Variants in CDH3 observed in about 807,000 individuals in gnomAD.
The protein encoded by CDH3 is cadherin-3.
Under a neutral mutation model 82.0 loss-of-function variants are expected in CDH3, and 54 were observed. That is an observed-to-expected ratio of 0.66 (90% CI 0.53 to 0.83). The LOEUF is 0.83. CDH3 is among the 40% of genes least tolerant of loss of function. The pLI, the probability that CDH3 is intolerant of heterozygous loss-of-function variation, is 0.00. For synonymous variants in CDH3, 446 were observed against 437.9 expected (o/e 1.02, Z -0.23); for missense variants, 1,054 against 1,084.6 (o/e 0.97, Z 0.40).
At chr16:68,727,428 G>A (rs1453364645) in exon 3 of CDH3, among the ~76,000 whole-genome samples, 1 of 152,094 alleles carries the variant, frequency 6.6e-6, no homozygotes, top group Non-Finnish European at 1.5e-5. Flanking sequence ...GTTCTTGGGA[G>A]AACCCTGACT....
chr16:68,686,727 A>G, intron 11 of CDH3: 2 of 723,714 alleles, frequency 2.8e-6, no homozygotes, highest in Middle Eastern at 2.8e-4. Flanking sequence ...GAAGCTGCCC[A>G]TTCCACTGAA....
intron 2 of CDH3, among the ~76,000 whole-genome samples, chr16:68,674,134 T>C (rs1316560963): frequency 6.6e-6 from 1 of 152,222 alleles, no homozygotes; most frequent in Non-Finnish European, 1.5e-5. Flanking sequence ...GGCTGCATCA[T>C]TTCACATTCC....
rs932785296 is a variant in CDH3, at chr16:68,699,957, G to A, written c.*1557G>A. On this transcript the variant is annotated 3_prime_UTR_variant, in exon 16 of 16. Transcript: ENST00000264012. Reference sequence around the variant, plus strand: ...ACTTTTAAAGGCCAGACAGGACTTCGATTATTTCCTCTAAATCCTCACAAT... The same window carrying A: ...ACTTTTAAAGGCCAGACAGGACTTCAATTATTTCCTCTAAATCCTCACAAT... 3.9e-5 allele frequency: 6 copies of A among 152,278 alleles called. No homozygotes were observed. Among genetic ancestry groups the A allele is most frequent in the South Asian group, 2.1e-4 (1 of 4,824 alleles). The allele number at this position is 152,278 out of a possible 1,614,324, so 9.4% of individuals were successfully genotyped here. A position where few individuals can be genotyped will look rare whatever the true frequency, so the allele number is the denominator to read the frequency against.
intron 1 of CDH3, among the ~76,000 whole-genome samples, chr16:68,714,053 C>A (rs1038434723): frequency 2.0e-5 from 3 of 152,070 alleles, no homozygotes; most frequent in African/African-American, 7.2e-5. Context: ...CCTGCCTCAG[C>A]CTCCCAAGTA....
downstream of CDH3, among the ~76,000 whole-genome samples, chr16:68,704,535 T>C (rs1961937294): frequency 1.3e-5 from 2 of 152,140 alleles, no homozygotes; most frequent in African/African-American, 4.8e-5. Flanking sequence ...CACCATTCAC[T>C]CAAACCACCA....
At chr16:68,724,097 G>A (rs1962193570) in intron 2 of CDH3, among the ~76,000 whole-genome samples, 1 of 145,288 alleles carries the variant, frequency 6.9e-6, no homozygotes. Flanking sequence ...TTAGCCGGGT[G>A]TGGTGGCGCA....
Position 68,698,266 on chromosome 16 carries a change from G to A in CDH3, c.2356G>A (p.Gly786Ser), listed in dbSNP as rs34813787. The change falls in exon 16 of 16, where the codon GGC (glycine) becomes AGC (serine). Residue 786 changes from glycine to serine, a missense_variant. Transcript: ENST00000264012. ...CTTGGTGTTCGACTATGAGGGCAGC[G>A]GCTCCGACGCCGCGTCCCTGAGCTC... is the stretch of plus-strand genomic sequence containing the variant. ...TLLVFDYEGSGSDAASLSSLT... is the reference protein window; with the variant it reads ...TLLVFDYEGSSSDAASLSSLT... The A allele has an allele frequency of 6.2e-4, 1,002 of 1,614,224 alleles. 3 individuals are homozygous for A. The highest frequency in any genetic ancestry group is 6.3e-4 in the Non-Finnish European group (743 of 1,180,050).
At chr16:68,667,968 G>C (rs1271785140) in intron 2 of CDH3, among the ~76,000 whole-genome samples, 1 of 152,108 alleles carries the variant, frequency 6.6e-6, no homozygotes, top group Admixed American at 6.6e-5. Context: ...GCAGCCTCAG[G>C]TTACTGATTC....
chr16:68,657,538 C>A (rs547604667), intron 2 of CDH3, among the ~76,000 whole-genome samples: 2 of 152,098 alleles, frequency 1.3e-5, no homozygotes, highest in Non-Finnish European at 2.9e-5. Context: ...CTTCCTTTCT[C>A]CCTCGACCCC....
At chr16:68,721,390 G>C (rs888992253) in intron 1 of CDH3, among the ~76,000 whole-genome samples, 1 of 151,770 alleles carries the variant, frequency 6.6e-6, no homozygotes, top group African/African-American at 2.4e-5. Context: ...TCTGCCACCA[G>C]GTCTGGCTAA....
At position 68,678,778 on chromosome 16, in the gene CDH3, TG is replaced by T; in HGVS notation, c.564del (p.Ser189GlnfsTer11). 1 of 1,614,192 alleles carries T rather than the reference TG, an allele frequency of 6.2e-7. No homozygotes were observed. Among genetic ancestry groups the T allele is most frequent in the Non-Finnish European group, 8.5e-7 (1 of 1,180,028 alleles). Reference sequence around the variant, plus strand: ...ACCCCACAGCTCTTTGGCCACGCTGTGTCAGAGAATGGTGCCTCAGTGGAGG... The same window carrying T: ...ACCCCACAGCTCTTTGGCCACGCTGTTCAGAGAATGGTGCCTCAGTGGAGG... ...IAKYELFGHAVSENGASVEDP... is the reference protein window; with the variant it reads ...IAKYELFGHAXSENGASVEDP... On this transcript the variant is annotated frameshift_variant, in exon 6 of 16. Transcript: ENST00000264012. LOFTEE classifies it high-confidence loss of function.
rs2274239 is a variant in CDH3, at chr16:68,691,880, G to C, written c.1956G>C (p.Lys652Asn). The change falls in exon 13 of 16, where the codon AAG (lysine) becomes AAC (asparagine). Residue 652 changes from lysine to asparagine, a missense_variant. Coordinates refer to ENST00000264012, the MANE Select transcript of CDH3 (RefSeq NM_001793.6). Reference sequence around the variant, plus strand: ...TCGAAACCTGCCCTGGACCCTGGAAGGGAGGTTTCATCCTCCCTGTGCTGG... The same window carrying C: ...TCGAAACCTGCCCTGGACCCTGGAACGGAGGTTTCATCCTCCCTGTGCTGG... ...GHVETCPGPWKGGFILPVLGA... is the reference protein window; with the variant it reads ...GHVETCPGPWNGGFILPVLGA... The C allele has an allele frequency of 6.2e-7, 1 of 1,613,684 alleles. No individual in the cohort carries two copies. Among genetic ancestry groups the C allele is most frequent in the Non-Finnish European group, 8.5e-7 (1 of 1,179,924 alleles).
At chr16:68,687,392 A>AT (rs1961441517) in intron 11 of CDH3, 120 bp from the exon 12 acceptor site, 1 of 736,796 alleles carries the variant, frequency 1.4e-6, no homozygotes, top group Non-Finnish European at 2.4e-6. Flanking sequence ...TGTGCCATGT[A>AT]TTGGAAGCAA....
chr16:68,722,113 G>A (rs1315483153), intron 1 of CDH3, among the ~76,000 whole-genome samples: 1 of 152,106 alleles, frequency 6.6e-6, no homozygotes, highest in East Asian at 1.9e-4. Flanking sequence ...ACAACAAAAG[G>A]ATTATCCTTG....
chr16:68,684,810 G>A lies in CDH3; in HGVS notation c.1410G>A (p.Glu470=), dbSNP rs370683759. 2.5e-6 allele frequency: 4 copies of A among 1,614,052 alleles called. No individual in the cohort carries two copies. In the African/African-American group the frequency reaches 5.3e-5, roughly 22 times the overall value. ...CVYTAEDPDK[E]NQKISYRILR... Reference sequence around the variant, plus strand: ...ACACTGCAGAAGACCCTGACAAGGAGAATCAAAAGATCAGGTACTCAGGAG... The same window carrying A: ...ACACTGCAGAAGACCCTGACAAGGAAAATCAAAAGATCAGGTACTCAGGAG... The change falls in exon 10 of 16, where the codon GAG becomes GAA. Residue 470 remains glutamate (E), a synonymous_variant. Coordinates refer to ENST00000264012, the MANE Select transcript of CDH3 (RefSeq NM_001793.6).
intron 12 of CDH3, among the ~76,000 whole-genome samples, chr16:68,688,881 A>G (rs1961488131): frequency 6.6e-6 from 1 of 152,100 alleles, no homozygotes; most frequent in Non-Finnish European, 1.5e-5. Context: ...TGGCCTTCCA[A>G]AGTGCTGAGA....
At chr16:68,720,260 G>T (rs1454313622) in intron 1 of CDH3, among the ~76,000 whole-genome samples, 1 of 151,632 alleles carries the variant, frequency 6.6e-6, no homozygotes, top group South Asian at 2.1e-4. Context: ...AACATGAGGG[G>T]AGGCTAAAAA....
chr16:68,733,003 T>G, the CDH3 span, among the ~76,000 whole-genome samples: 1 of 151,732 alleles, frequency 6.6e-6, no homozygotes, highest in Admixed American at 6.6e-5. Flanking sequence ...CAGCTCACAA[T>G]TTTTCCTAGA....
intron 1 of CDH3, among the ~76,000 whole-genome samples, chr16:68,709,325 G>A (rs981914213): frequency 6.6e-6 from 1 of 152,116 alleles, no homozygotes; most frequent in African/African-American, 2.4e-5. Flanking sequence ...TCCCTCCTGG[G>A]CCTCCCAAAG....
Sources: gnomAD v4.1 joint callset for allele counts (sites outside exome capture counted in the v4.1 genomes callset) on GRCh38, gnomAD v4.1.1 for gene constraint, MANE v1.5 for transcripts, NCBI Gene and HGNC (gene_info 2026-07-23, HGNC 2026-07-21) for gene names.